The following SMYD3 variants were observed in gnomAD, a reference collection of about 807,000 sequenced individuals.
SMYD3 encodes SET and MYND domain containing 3.
In SMYD3, 36 loss-of-function variants were observed where a neutral mutation model predicts 57.7. The observed-to-expected ratio is 0.62, with a 90% CI of 0.48 to 0.82. The LOEUF is 0.82. SMYD3 is among the 40% of genes least tolerant of loss of function. The probability of loss-of-function intolerance (pLI) is 0.00; values close to 1 mark genes in which losing one functional copy is unlikely to be tolerated. For synonymous variants in SMYD3, 211 were observed against 195.0 expected (o/e 1.08, Z -0.68); for missense variants, 515 against 538.8 (o/e 0.96, Z 0.44).
chr1:246,240,018 A>C (rs10924596), intron 5 of SMYD3, among the ~76,000 whole-genome samples: 31,586 of 151,954 alleles, frequency 0.21, 3,997 homozygotes, highest in East Asian at 0.58. Flanking sequence ...AGATTGTAAA[A>C]ATTTTCTCCC....
rs1261125896 is a variant in SMYD3 at position 245,921,562 on chromosome 1, TATATATATAC to T, written c.703-5932_703-5923del. ...AAAAAATGTGGTGTATATATATATA[TATATATATAC>T]ACATACCATGGAATAGTATGCAGCC... On this transcript the variant is annotated intron_variant, in intron 7 of 11. Transcript: ENST00000490107. 1.8e-3 allele frequency among the ~76,000 whole-genome samples: 271 copies of T among 149,528 alleles called. 5 individuals are homozygous for T. Among genetic ancestry groups the T allele is most frequent in the Admixed American group, 4.1e-3 (62 of 15,098 alleles).
chr1:246,168,977 A>T (rs757916521), intron 5 of SMYD3, among the ~76,000 whole-genome samples: 1 of 152,180 alleles, frequency 6.6e-6, no homozygotes, highest in Non-Finnish European at 1.5e-5. Context: ...CTCTGGTCCA[A>T]TTAAATTTCC....
intron 5 of SMYD3, among the ~76,000 whole-genome samples, chr1:246,222,767 T>C (rs927711071): frequency 2.6e-5 from 4 of 152,276 alleles, no homozygotes; most frequent in African/African-American, 7.2e-5. Flanking sequence ...TCTACAATCA[T>C]ACTTCAGTGG....
chr1:246,405,564 A>G (rs1038097195), intron 1 of SMYD3, among the ~76,000 whole-genome samples: 3 of 152,036 alleles, frequency 2.0e-5, no homozygotes, highest in Admixed American at 2.0e-4. Context: ...GCTTCTCTTA[A>G]GTGGTGTCTT....
At chr1:246,368,603 T>C (rs2066145263) in intron 1 of SMYD3, among the ~76,000 whole-genome samples, 2 of 152,226 alleles carry the variant, frequency 1.3e-5, no homozygotes, top group South Asian at 2.1e-4. Flanking sequence ...TTGATTGGAT[T>C]GAAGGATGCA....
chr1:246,264,043 T>G (rs1404081401), intron 5 of SMYD3, among the ~76,000 whole-genome samples: 9 of 63,106 alleles, frequency 1.4e-4, no homozygotes, highest in Non-Finnish European at 2.1e-4. Context: ...AAATAAATGT[T>G]TTTTTTTTTG....
rs947253752 is a variant in SMYD3 at position 246,408,630 on chromosome 1, C to T, written c.165-53536G>A. Among the ~76,000 whole-genome samples the T allele has an allele frequency of 2.7e-5, 4 of 149,768 alleles. No individual in the cohort carries two copies. The East Asian group carries it at 7.8e-4, about 29-fold the overall frequency. On this transcript the variant is annotated intron_variant, in intron 1 of 11. Coordinates refer to ENST00000490107, the MANE Select transcript of SMYD3 (RefSeq NM_001167740.2). ...TGAGTTCTCCATCAAGTTCTGGCCT[C>T]TCCCCATCCTAATCCCTATCTCAGA...
At chr1:245,963,535 T>A (rs1049050098) in intron 5 of SMYD3, among the ~76,000 whole-genome samples, 3 of 147,024 alleles carry the variant, frequency 2.0e-5, no homozygotes, top group African/African-American at 7.9e-5. Flanking sequence ...TTTTGTGAGT[T>A]TTTTTTTTTC....
intron 2 of SMYD3, among the ~76,000 whole-genome samples, chr1:246,352,423 A>C (rs1229967455): frequency 3.3e-5 from 5 of 152,330 alleles, no homozygotes; most frequent in South Asian, 4.1e-4. Flanking sequence ...TTCACAGTTC[A>C]GTATGTCATT....
chr1:246,250,098 T>C (rs938564347), intron 5 of SMYD3, among the ~76,000 whole-genome samples: 4 of 152,180 alleles, frequency 2.6e-5, no homozygotes, highest in Non-Finnish European at 5.9e-5. Context: ...TTCTATAAAA[T>C]CTAAAACTCA....
At position 245,867,857 on chromosome 1, in the gene SMYD3, G is replaced by C. The variant is rs562238984; in HGVS notation, c.814-3971C>G. 7.4e-4 allele frequency among the ~76,000 whole-genome samples: 112 copies of C among 152,350 alleles called. 1 individual carries two copies. The highest frequency in any genetic ancestry group is 2.5e-3 in the African/African-American group (105 of 41,590). ...GTAGGAGACAGCAGTTCCAGGAAGA[G>C]CGGAGGGCAAGTGCGGACGCAGAAG... On this transcript the variant is annotated intron_variant, in intron 8 of 11. Coordinates refer to ENST00000490107, the MANE Select transcript of SMYD3 (RefSeq NM_001167740.2).
chr1:245,998,208 G>A (rs953587860), intron 5 of SMYD3, among the ~76,000 whole-genome samples: 1 of 152,114 alleles, frequency 6.6e-6, no homozygotes, highest in African/African-American at 2.4e-5. Flanking sequence ...CCCCTGCTTC[G>A]GTGGCACCCC....
chr1:246,054,182 T>TG (rs2060109753), intron 5 of SMYD3, among the ~76,000 whole-genome samples: 1 of 152,068 alleles, frequency 6.6e-6, no homozygotes, highest in Non-Finnish European at 1.5e-5. Flanking sequence ...GCAGTAGCAT[T>TG]AACTAATTAG....
chr1:245,895,437 G>A (rs549039824), intron 8 of SMYD3, among the ~76,000 whole-genome samples: 18 of 152,240 alleles, frequency 1.2e-4, no homozygotes, highest in African/African-American at 4.3e-4. Flanking sequence ...CGCAGAGCTG[G>A]TTGGGCTCAT....
chr1:246,195,592 C>A (rs1228757890), intron 5 of SMYD3, among the ~76,000 whole-genome samples: 1 of 151,494 alleles, frequency 6.6e-6, no homozygotes, highest in Non-Finnish European at 1.5e-5. Context: ...AATATATACA[C>A]ACAAATGTGC....
At chr1:245,904,686 G>C (rs991604830) in intron 8 of SMYD3, among the ~76,000 whole-genome samples, 1 of 152,096 alleles carries the variant, frequency 6.6e-6, no homozygotes, top group African/African-American at 2.4e-5. Flanking sequence ...GCAACTCGTA[G>C]GCAAGTCCTA....
intron 5 of SMYD3, among the ~76,000 whole-genome samples, chr1:245,932,850 T>C (rs2056802179): frequency 6.6e-6 from 1 of 152,342 alleles, no homozygotes; most frequent in Admixed American, 6.5e-5. Flanking sequence ...GAGTGAGCCA[T>C]AGCTCCTGGA....
chr1:246,362,043 C>G (rs1464649612), intron 1 of SMYD3, among the ~76,000 whole-genome samples: 1 of 152,050 alleles, frequency 6.6e-6, no homozygotes, highest in East Asian at 1.9e-4. Context: ...GGTACGCACC[C>G]CCAGCACCGC....
intron 6 of SMYD3, among the ~76,000 whole-genome samples, chr1:245,928,448 G>C (rs1407747753): frequency 6.6e-6 from 1 of 151,976 alleles, no homozygotes; most frequent in South Asian, 2.1e-4. Flanking sequence ...GAGGTGGGTG[G>C]ATCATTTGAG....
Sources: allele counts gnomAD v4.1 joint callset (sites outside exome capture counted in the v4.1 genomes callset), GRCh38; gene constraint gnomAD v4.1.1; transcripts MANE v1.5; gene names NCBI Gene and HGNC (gene_info 2026-07-23, HGNC 2026-07-21).